The following SPAG9 variants were observed in gnomAD, a reference collection of about 807,000 sequenced individuals.
SPAG9 encodes the protein sperm associated antigen 9.
SPAG9 carries 35 observed loss-of-function variants against 166.5 expected under a neutral mutation model. The observed-to-expected ratio is 0.21, with a 90% confidence interval of 0.16 to 0.28. The LOEUF (loss-of-function observed/expected upper bound fraction) is 0.28. SPAG9 is among the 10% of genes least tolerant of loss of function. The pLI, the probability that SPAG9 is intolerant of heterozygous loss-of-function variation, is 1.00. For synonymous variants in SPAG9, 534 were observed against 565.5 expected (o/e 0.94, Z 0.79); for missense variants, 1,235 against 1,603.3 (o/e 0.77, Z 3.92).
rs185569898 is a variant in SPAG9, at chr17:51,107,167, A to G, written c.303+13187T>C. Among the ~76,000 whole-genome samples the G allele has an allele frequency of 8.5e-5, 13 of 152,124 alleles. No individual in the cohort carries two copies. The East Asian group carries it at 2.3e-3, about 27-fold the overall frequency. On this transcript the variant is annotated intron_variant, in intron 1 of 29. Transcript: ENST00000262013. ...AAATATTTGTTCTTTCTAAGCATCT[A>G]TGTTTCTGTTTATCTTTCCACCTAC...
In SPAG9 at chr17:50,969,898, T is replaced by C. The variant is rs534160509; in HGVS notation, c.3850+809A>G. ...ACCAGAGCATCAGTAACATTTTAAT[T>C]TATTAACATGTCTCTATCTCTGCAC... On this transcript the variant is annotated intron_variant, in intron 29 of 29. Transcript: ENST00000262013. Among the ~76,000 whole-genome samples the C allele has an allele frequency of 3.9e-5, 6 of 152,292 alleles. No individual in the cohort carries two copies. The South Asian group carries it at 1.2e-3, about 32-fold the overall frequency.
At chr17:51,019,382 G>A (rs540876067) in intron 8 of SPAG9, among the ~76,000 whole-genome samples, 250 of 152,024 alleles carry the variant, frequency 1.6e-3, no homozygotes, top group Non-Finnish European at 2.9e-3. Flanking sequence ...GCAAAACCCC[G>A]TCTCTACTAA....
rs1568065402 is a variant in SPAG9, at chr17:51,077,033, T to TAGCTATCTAGCTAGCTAG, written c.424+2550_424+2551insCTAGCTAGCTAGATAGCT. 5.3e-5 allele frequency among the ~76,000 whole-genome samples: 5 copies of TAGCTATCTAGCTAGCTAG among 94,488 alleles called. 1 individual carries two copies. The highest frequency in any genetic ancestry group is 7.7e-5 in the African/African-American group (2 of 26,112). The allele number at this position is 94,488 out of a possible 152,430, so 62.0% of individuals were successfully genotyped here. A position where few individuals can be genotyped will look rare whatever the true frequency, so the allele number is the denominator to read the frequency against. ...AGCTAGCTAGCTATCTAGCTATCTATCTAGCTATCTAGCTATCTAGCTAGC... is the reference window on the plus strand; with the variant it reads ...AGCTAGCTAGCTATCTAGCTATCTATAGCTATCTAGCTAGCTAGCTAGCTATCTAGCTATCTAGCTAGC... On this transcript the variant is annotated intron_variant, in intron 2 of 29. Transcript: ENST00000262013.
intron 2 of SPAG9, among the ~76,000 whole-genome samples, chr17:51,077,033 T>TAGCTATCTAG (rs1568065402): frequency 5.1e-4 from 48 of 94,522 alleles, no homozygotes; most frequent in Admixed American, 1.1e-3. Context: ...TAGCTATCTA[T>TAGCTATCTAG]CTAGCTATCT....
chr17:50,978,780 C>T (rs543641603), intron 26 of SPAG9, among the ~76,000 whole-genome samples: 21 of 152,108 alleles, frequency 1.4e-4, no homozygotes, highest in Non-Finnish European at 2.8e-4. Context: ...AGCTGTGGGT[C>T]GGTATGAGCA....
intron 12 of SPAG9, among the ~76,000 whole-genome samples, chr17:51,004,608 T>C (rs1023601131): frequency 2.6e-5 from 4 of 152,210 alleles, no homozygotes; most frequent in Admixed American, 6.5e-5. Flanking sequence ...ATTAGACTTG[T>C]AGTCCCAGCT....
intron 23 of SPAG9, 90 bp from the exon 24 acceptor site, chr17:50,985,080 G>A (rs374098624): frequency 9.2e-7 from 1 of 1,086,530 alleles, no homozygotes; most frequent in South Asian, 1.3e-5. Flanking sequence ...CCTCACAAAG[G>A]GCCAATCTGT....
intron 2 of SPAG9, among the ~76,000 whole-genome samples, chr17:51,067,510 G>C (rs763718377): frequency 2.0e-4 from 30 of 152,114 alleles, no homozygotes; most frequent in Non-Finnish European, 4.4e-5. Flanking sequence ...GTATTAAAAG[G>C]TCATTTCTTG....
At chr17:51,062,897 C>T (rs1269622477) in intron 2 of SPAG9, among the ~76,000 whole-genome samples, 1 of 152,068 alleles carries the variant, frequency 6.6e-6, no homozygotes, top group African/African-American at 2.4e-5. Flanking sequence ...ACCTACTCCA[C>T]GTCTTTTCCT....
At chr17:51,040,700 A>T (rs2046804108) in intron 5 of SPAG9, among the ~76,000 whole-genome samples, 1 of 152,230 alleles carries the variant, frequency 6.6e-6, no homozygotes, top group Non-Finnish European at 1.5e-5. Context: ...TTTTAGAAGC[A>T]TTGTTAAGAG....
Position 50,962,568 on chromosome 17 carries a change from C to T in SPAG9, c.*3704G>A, listed in dbSNP as rs1035034092. The T allele has an allele frequency of 6.6e-5, 10 of 152,232 alleles. No individual in the cohort carries two copies. The highest frequency in any genetic ancestry group is 2.2e-4 in the African/African-American group (9 of 41,476). 9.4% of individuals were successfully genotyped at this position (152,232 alleles called of 1,614,324 possible). ...TCCACATTTAATTTTCTCTTCTACT[C>T]TTCCCATGTTACAAAGTGGGACCAA... On this transcript the variant is annotated 3_prime_UTR_variant, in exon 30 of 30. Coordinates refer to ENST00000262013, the MANE Select transcript of SPAG9 (RefSeq NM_001130528.3).
intron 25 of SPAG9, among the ~76,000 whole-genome samples, chr17:50,982,009 G>C (rs1488482194): frequency 1.3e-5 from 2 of 151,294 alleles, no homozygotes; most frequent in African/African-American, 4.9e-5. Flanking sequence ...CTCCAGCCTG[G>C]GTGACAGAGC....
chr17:51,007,473 G>A, intron 9 of SPAG9, 147 bp from the exon 10 acceptor site: 1 of 420,350 alleles, frequency 2.4e-6, no homozygotes, highest in East Asian at 3.8e-5. Context: ...TCATTTGATG[G>A]ACCTACTTTA....
chr17:51,012,348 A>C (rs1175254979), intron 9 of SPAG9, among the ~76,000 whole-genome samples: 1 of 152,072 alleles, frequency 6.6e-6, no homozygotes, highest in Non-Finnish European at 1.5e-5. Context: ...AAGACAGGCG[A>C]ATCATGAGGT....
chr17:50,993,187 G>A (rs1975759036), intron 19 of SPAG9, among the ~76,000 whole-genome samples: 1 of 151,206 alleles, frequency 6.6e-6, no homozygotes, highest in Non-Finnish European at 1.5e-5. Flanking sequence ...GTGGTGGCAG[G>A]TGCCTGTAAT....
intron 10 of SPAG9, 28 bp downstream of exon 10, chr17:51,007,241 C>T: frequency 7.6e-7 from 1 of 1,313,040 alleles, no homozygotes; most frequent in Non-Finnish European, 1.1e-6. Context: ...AATTCTTTAT[C>T]TTCTGTTAAA....
At chr17:51,015,582 G>C (rs968308170) in intron 8 of SPAG9, among the ~76,000 whole-genome samples, 1 of 151,648 alleles carries the variant, frequency 6.6e-6, no homozygotes, top group Non-Finnish European at 1.5e-5. Flanking sequence ...GAGACACTAA[G>C]AGCAAAAAAA....
intron 11 of SPAG9, 30 bp downstream of exon 11, chr17:51,006,055 T>C (rs1351004662): frequency 3.1e-6 from 5 of 1,610,688 alleles, no homozygotes; most frequent in Non-Finnish European, 4.2e-6. Flanking sequence ...GGCAAAGAGT[T>C]TGGTTTAGAA....
intron 1 of SPAG9, among the ~76,000 whole-genome samples, chr17:51,117,011 C>A (rs2049309040): frequency 1.3e-5 from 2 of 151,924 alleles, no homozygotes; most frequent in African/African-American, 4.8e-5. Flanking sequence ...GAGTGATGGG[C>A]GATAAGATGA....
Sources: allele counts gnomAD v4.1 joint callset (sites outside exome capture counted in the v4.1 genomes callset), GRCh38; gene constraint gnomAD v4.1.1; transcripts MANE v1.5; gene names NCBI Gene and HGNC (gene_info 2026-07-23, HGNC 2026-07-21).